CA14: variants seen among roughly 807,000 people sequenced by gnomAD.
The protein encoded by CA14 is CA-XIV.
A neutral mutation model predicts 48.8 loss-of-function variants in CA14; 44 were observed. The ratio of observed to expected loss-of-function variants is 0.90; its 90% CI spans 0.71 to 1.16. The LOEUF is 1.16. CA14 is among the 50% of genes most tolerant of loss of function. The pLI is 0.00. For missense variants in CA14, 386 were observed against 401.0 expected (o/e 0.96, Z 0.32); for synonymous variants, 154 against 155.0 (o/e 0.99, Z 0.05).
chr1:150,259,931 G>A (rs925079051), intron 1 of CA14, among the ~76,000 whole-genome samples: 11 of 152,092 alleles, frequency 7.2e-5, no homozygotes, highest in South Asian at 2.1e-4. Context: ...TTACTCGGCA[G>A]GCACCAACAC....
At position 150,263,163 on chromosome 1, in the gene CA14, A is replaced by C; in HGVS notation, c.684A>C (p.Thr228=). 1.9e-6 allele frequency: 3 copies of C among 1,614,130 alleles called. No individual in the cohort carries two copies. Among genetic ancestry groups the C allele is most frequent in the Non-Finnish European group, 2.5e-6 (3 of 1,180,004 alleles). The stretch of plus-strand genomic sequence containing the variant: ...CTTGCTACCAGAGTGTGCTCTGGAC[A>C]GTTTTTTATAGAAGGTCCCAGATTT... The part of the protein sequence containing the change: ...TPPCYQSVLW[T]VFYRRSQISM... Residue 228 remains threonine (T), a synonymous_variant, in exon 7 of 11, where the codon ACA becomes ACC. Coordinates refer to ENST00000369111, the MANE Select transcript of CA14 (RefSeq NM_012113.3).
At position 150,262,300 on chromosome 1, in the gene CA14, G is replaced by A. The variant is rs989857408; in HGVS notation, c.399G>A (p.Glu133=). The A allele has an allele frequency of 1.3e-6, 2 of 1,594,746 alleles. No homozygotes were observed. The highest frequency in any genetic ancestry group is 1.7e-6 in the Non-Finnish European group (2 of 1,171,102). ...TCAACAGTGAAGCCACATTTGCAGA[G>A]GTACCAGGGAACAAAGAGCTGGGAC... ...HQINSEATFA[E]LHIVHYDSDS... The change falls in exon 4 of 11, where the codon GAG becomes GAA. Residue 133 remains glutamate (E), a splice_region_variant and synonymous_variant. Transcript: ENST00000369111.
chr1:150,260,498 C>T (rs147089628), intron 2 of CA14: 40 of 435,324 alleles, frequency 9.2e-5, no homozygotes, highest in Non-Finnish European at 1.6e-4. Flanking sequence ...CTATCCTAAT[C>T]CATCCTACCC....
At position 150,264,933 on chromosome 1, in the gene CA14, G is replaced by C; in HGVS notation, c.*274G>C. 3.4e-6 allele frequency: 1 copy of C among 297,558 alleles called. No homozygotes were observed. Among genetic ancestry groups the C allele is most frequent in the Non-Finnish European group, 6.3e-6 (1 of 158,672 alleles). 18.4% of individuals were successfully genotyped at this position (297,558 alleles called of 1,614,324 possible). A position where few individuals can be genotyped will look rare whatever the true frequency, so the allele number is the denominator to read the frequency against. ...CTCTGTTTAGTTGCAGGGGAAGTTT[G>C]GGATATACCCCAAAGTCCTCTACCC... On this transcript the variant is annotated 3_prime_UTR_variant, in exon 11 of 11. Coordinates refer to ENST00000369111, the MANE Select transcript of CA14 (RefSeq NM_012113.3).
chr1:150,262,323 G>A (rs782780291), intron 4 of CA14, 23 bp downstream of exon 4: 3 of 1,580,600 alleles, frequency 1.9e-6, no homozygotes, highest in Non-Finnish European at 2.6e-6. Context: ...AAAGAGCTGG[G>A]ACTCAGACAA....
At position 150,259,183 on chromosome 1, in the gene CA14, G is replaced by A. The variant is rs587660598; in HGVS notation, c.56-968G>A. ...GGCTAGCAGAATAGGTCAAGGATAA[G>A]AGCAGGACATCTCACAAGTTTGAGG... On this transcript the variant is annotated intron_variant, in intron 1 of 10. Transcript: ENST00000369111. Among the ~76,000 whole-genome samples, 226 of 152,332 alleles carry A rather than the reference G, an allele frequency of 1.5e-3. 1 individual carries two copies. The highest frequency in any genetic ancestry group is 5.0e-3 in the African/African-American group (207 of 41,566).
In CA14 at chr1:150,257,879, A is replaced by G; in HGVS notation, c.-250A>G. 1 of 313,120 alleles carries G rather than the reference A, an allele frequency of 3.2e-6. No individual in the cohort carries two copies. Among genetic ancestry groups the G allele is most frequent in the Non-Finnish European group, 6.0e-6 (1 of 166,592 alleles). The allele number at this position is 313,120 out of a possible 1,614,324, so 19.4% of individuals were successfully genotyped here. A position where few individuals can be genotyped will look rare whatever the true frequency, so the allele number is the denominator to read the frequency against. On this transcript the variant is annotated 5_prime_UTR_variant, in exon 1 of 11. Coordinates refer to ENST00000369111, the MANE Select transcript of CA14 (RefSeq NM_012113.3). ...GAGTGGAGACTGCAGAGGGAGATAA[A>G]GAGAGAGGGCAAAGAGGCAGCAAGA... is the stretch of plus-strand genomic sequence containing the variant.
chr1:150,262,357 G>A, intron 4 of CA14, 57 bp downstream of exon 4: 3 of 1,561,620 alleles, frequency 1.9e-6, no homozygotes, highest in Non-Finnish European at 2.6e-6. Flanking sequence ...GGTGGTCCTG[G>A]GGAAAGGATC....
Position 150,258,023 on chromosome 1 carries a change from GCTCGCT to G in CA14, c.-102_-97del. The G allele has an allele frequency of 4.2e-6, 3 of 718,922 alleles. No homozygotes were observed. The highest frequency in any genetic ancestry group is 3.0e-5 in the Admixed American group (1 of 33,684). The allele number at this position is 718,922 out of a possible 1,614,324, so 44.5% of individuals were successfully genotyped here. ...ATAAATACACTCACGCCAGGAGCTCGCTCGCTCTCTCTCTCTCTCTCTCACTCCTCC... is the reference window on the plus strand; with the variant it reads ...ATAAATACACTCACGCCAGGAGCTCGCTCTCTCTCTCTCTCTCACTCCTCC... On this transcript the variant is annotated 5_prime_UTR_variant, in exon 1 of 11. Coordinates refer to ENST00000369111, the MANE Select transcript of CA14 (RefSeq NM_012113.3).
Position 150,263,289 on chromosome 1 carries a change from T to G in CA14, c.721-10T>G. 1.2e-6 allele frequency: 2 copies of G among 1,614,174 alleles called. No individual in the cohort carries two copies. Among genetic ancestry groups the G allele is most frequent in the Non-Finnish European group, 1.7e-6 (2 of 1,180,008 alleles). On this transcript the variant is annotated splice_polypyrimidine_tract_variant and intron_variant, in intron 7 of 10. Transcript: ENST00000369111. ...CAAAGTAACACCTCTCCCACGCTTC[T>G]GCTCCTCAGCTGGAAAAGCTTCAGG...
Position 150,262,883 on chromosome 1 carries a change from A to T in CA14, c.562+13A>T. Reference sequence around the variant, plus strand: ...GTCAGGCATAAAGGTGAGCCTTAAAAATCTATAGCAGGAAGTAAGATTAGA... The same window carrying T: ...GTCAGGCATAAAGGTGAGCCTTAAATATCTATAGCAGGAAGTAAGATTAGA... On this transcript the variant is annotated intron_variant, in intron 6 of 10. Coordinates refer to ENST00000369111, the MANE Select transcript of CA14 (RefSeq NM_012113.3). The T allele has an allele frequency of 6.2e-7, 1 of 1,605,856 alleles. No individual in the cohort carries two copies. The highest frequency in any genetic ancestry group is 1.7e-5 in the Admixed American group (1 of 60,014).
intron 1 of CA14, among the ~76,000 whole-genome samples, chr1:150,259,090 G>A (rs1650783105): frequency 6.6e-6 from 1 of 152,206 alleles, no homozygotes; most frequent in Non-Finnish European, 1.5e-5. Context: ...TTACAGACCA[G>A]GGAGTTTGAG....
At chr1:150,260,203 T>C (rs1553847495) in intron 2 of CA14, 32 bp downstream of exon 2, 1 of 1,611,028 alleles carries the variant, frequency 6.2e-7, no homozygotes, top group African/African-American at 1.3e-5. Flanking sequence ...CCGACAACCC[T>C]TTCACACTGG....
chr1:150,263,567 C>G (rs985387588), intron 8 of CA14, 92 bp from the exon 9 acceptor site: 8 of 1,611,506 alleles, frequency 5.0e-6, no homozygotes, highest in Non-Finnish European at 6.8e-6. Flanking sequence ...AGGGTGCCCC[C>G]GGGGGATTCT....
At chr1:150,264,088 G>A (rs587631636) in intron 10 of CA14, among the ~76,000 whole-genome samples, 3 of 151,810 alleles carry the variant, frequency 2.0e-5, no homozygotes, top group African/African-American at 7.3e-5. Flanking sequence ...ATCACACCCA[G>A]CTAATTTTTG....
intron 9 of CA14, 38 bp from the exon 10 acceptor site, chr1:150,263,756 A>T (rs375489032): frequency 1.2e-5 from 19 of 1,611,550 alleles, no homozygotes; most frequent in Non-Finnish European, 1.5e-5. Context: ...AATCTATGTT[A>T]GTCCTAGGCT....
Position 150,263,648 on chromosome 1 carries a change from TTC to T in CA14, c.842-7_842-6del, listed in dbSNP as rs782249163. ...TCTGAAGTCCCACTGACCCATTTTCTTCTCTTACAGCAGGATCCTCGTATACC... is the reference window on the plus strand; with the variant it reads ...TCTGAAGTCCCACTGACCCATTTTCTTCTTACAGCAGGATCCTCGTATACC... On this transcript the variant is annotated splice_polypyrimidine_tract_variant and intron_variant, in intron 8 of 10. Coordinates refer to ENST00000369111, the MANE Select transcript of CA14 (RefSeq NM_012113.3). The T allele has an allele frequency of 1.2e-6, 2 of 1,613,898 alleles. No individual in the cohort carries two copies. Among genetic ancestry groups the T allele is most frequent in the Admixed American group, 3.3e-5 (2 of 60,028 alleles).
At chr1:150,260,228 G>A (rs1388343564) in intron 2 of CA14, 57 bp downstream of exon 2, 4 of 1,560,670 alleles carry the variant, frequency 2.6e-6, no homozygotes, top group African/African-American at 1.4e-5. Flanking sequence ...TCCTCACCTG[G>A]CAGGAAGACA....
chr1:150,262,907 G>T, intron 6 of CA14, 37 bp downstream of exon 6: 1 of 1,593,658 alleles, frequency 6.3e-7, no homozygotes, highest in South Asian at 1.1e-5. Flanking sequence ...AGTAAGATTA[G>T]ACTTTCAAAA....
Sources: gnomAD v4.1 joint callset for allele counts (sites outside exome capture counted in the v4.1 genomes callset) on GRCh38, gnomAD v4.1.1 for gene constraint, MANE v1.5 for transcripts, NCBI Gene and HGNC (gene_info 2026-07-23, HGNC 2026-07-21) for gene names.